ZEB1: variants seen among roughly 807,000 people sequenced by gnomAD.
The protein encoded by ZEB1 is zinc finger E-box binding homeobox 1.
Under a neutral mutation model 84.9 loss-of-function variants are expected in ZEB1, and 21 were observed. The ratio of observed to expected loss-of-function variants is 0.25; its 90% CI spans 0.18 to 0.36. ZEB1 has a LOEUF of 0.36. Among genes scored for constraint, ZEB1 ranks in the 10% least tolerant of loss-of-function variants. The pLI, the probability that ZEB1 is intolerant of heterozygous loss-of-function variation, is 1.00. For missense variants in ZEB1, 1,104 were observed against 1,330.2 expected (o/e 0.83, Z 2.65); for synonymous variants, 420 against 471.1 (o/e 0.89, Z 1.41).
At chr10:31,337,479 TAATC>T (rs2038379493) in intron 1 of ZEB1, among the ~76,000 whole-genome samples, 1 of 152,102 alleles carries the variant, frequency 6.6e-6, no homozygotes, top group African/African-American at 2.4e-5. Context: ...TGGCTACTGA[TAATC>T]AACATTTAAT....
chr10:31,442,406 C>T (rs189647729), intron 1 of ZEB1, among the ~76,000 whole-genome samples: 14 of 150,748 alleles, frequency 9.3e-5, no homozygotes, highest in East Asian at 7.8e-4. Flanking sequence ...CGGGGTCTGT[C>T]GTGGCATGGG....
intron 5 of ZEB1, among the ~76,000 whole-genome samples, chr10:31,511,698 C>T (rs763923113): frequency 6.6e-6 from 1 of 152,180 alleles, no homozygotes; most frequent in Non-Finnish European, 1.5e-5. Flanking sequence ...CAGTTTCTTA[C>T]ATCAAAGAAT....
At position 31,521,368 on chromosome 10, in the gene ZEB1, A is replaced by G; in HGVS notation, c.2036A>G (p.Gln679Arg). Residue 679 changes from glutamine (Q) to arginine (R), a missense_variant, in exon 7 of 9, where the codon CAA becomes CGA. By Grantham distance (43) the Gln-to-Arg change is conservative. Around this residue, in one of 7 missense-constraint regions of ZEB1, gnomAD observed 531 missense variants for 575.2 expected, o/e 0.92. Transcript: ENST00000424869. ...NEPQDSTVNL[Q>R]SPLKMTNSPV... ...CCCCAGGACAGCACAGTAAATCTAC[A>G]AAGTCCTTTGAAGATGACTAACTCC... is the stretch of plus-strand genomic sequence containing the variant. The G allele has an allele frequency of 6.2e-7, 1 of 1,614,096 alleles. No homozygotes were observed. Among genetic ancestry groups the G allele is most frequent in the Non-Finnish European group, 8.5e-7 (1 of 1,180,008 alleles).
At chr10:31,393,457 T>C (rs1426945100) in intron 1 of ZEB1, among the ~76,000 whole-genome samples, 1 of 152,200 alleles carries the variant, frequency 6.6e-6, no homozygotes, top group Non-Finnish European at 1.5e-5. Flanking sequence ...AATTATTTTA[T>C]GTTTAATTTA....
At chr10:31,417,056 A>G (rs1317998408) in intron 1 of ZEB1, among the ~76,000 whole-genome samples, 1 of 152,164 alleles carries the variant, frequency 6.6e-6, no homozygotes, top group African/African-American at 2.4e-5. Flanking sequence ...GAACTTATTT[A>G]TTCAGCAGAC....
At chr10:31,524,159 T>C in intron 8 of ZEB1, 46 bp downstream of exon 8, 1 of 1,554,970 alleles carries the variant, frequency 6.4e-7, no homozygotes, top group Non-Finnish European at 8.8e-7. Flanking sequence ...TATGATATAC[T>C]GGAAGATGCA....
rs114676291 is a variant in ZEB1 at position 31,379,440 on chromosome 10, T to G, written c.58+60148T>G. 5.6e-3 allele frequency among the ~76,000 whole-genome samples: 844 copies of G among 152,022 alleles called. 13 individuals carry two copies. Among genetic ancestry groups the G allele is most frequent in the African/African-American group, 0.019 (809 of 41,492 alleles). On this transcript the variant is annotated intron_variant, in intron 1 of 8. Coordinates refer to ENST00000424869, the MANE Select transcript of ZEB1 (RefSeq NM_001174096.2). ...CTGTCTCTGTCTGTCTGTCTCTCTC[T>G]CTGTGTGTGTATATATATATACATA...
At chr10:31,488,177 A>G (rs983634973) in intron 2 of ZEB1, among the ~76,000 whole-genome samples, 1 of 151,218 alleles carries the variant, frequency 6.6e-6, no homozygotes, top group Non-Finnish European at 1.5e-5. Context: ...ATCTGATAAA[A>G]TTTGCAAGTG....
At chr10:31,452,525 G>T (rs2060683883) in intron 1 of ZEB1, among the ~76,000 whole-genome samples, 1 of 152,002 alleles carries the variant, frequency 6.6e-6, no homozygotes. Flanking sequence ...TGTTTGCCTG[G>T]TCTGGTTATG....
At chr10:31,400,073 T>C (rs780958522) in intron 1 of ZEB1, among the ~76,000 whole-genome samples, 4 of 152,130 alleles carry the variant, frequency 2.6e-5, no homozygotes, top group South Asian at 4.2e-4. Flanking sequence ...TCACCCCAAT[T>C]CTCCTTCCTG....
At chr10:31,367,061 A>G (rs936847958) in intron 1 of ZEB1, among the ~76,000 whole-genome samples, 4 of 151,954 alleles carry the variant, frequency 2.6e-5, no homozygotes, top group South Asian at 2.1e-4. Context: ...TGAGCCCGGG[A>G]CCTCTTACTT....
At chr10:31,437,890 T>TC (rs1318236422) in intron 1 of ZEB1, among the ~76,000 whole-genome samples, 4 of 152,234 alleles carry the variant, frequency 2.6e-5, no homozygotes, top group African/African-American at 9.6e-5. Context: ...ATCTTATTTT[T>TC]CACAACCAGT....
chr10:31,367,809 T>C (rs2044826487), intron 1 of ZEB1, among the ~76,000 whole-genome samples: 1 of 152,188 alleles, frequency 6.6e-6, no homozygotes, highest in Non-Finnish European at 1.5e-5. Context: ...TAAATATAGA[T>C]ACTTGCTCTT....
chr10:31,390,909 A>G (rs976842521), intron 1 of ZEB1, among the ~76,000 whole-genome samples: 24 of 152,206 alleles, frequency 1.6e-4, no homozygotes, highest in South Asian at 6.2e-4. Context: ...TTTTTGAAGC[A>G]TACAGTCACC....
rs1380489167 is a variant in ZEB1 at position 31,515,010 on chromosome 10, C to T, written c.793+302C>T. ...TTCTGATGAATGTAAATGTCATTGCCTCCTTTGCACAATTAGCAGGGGAAT... is the reference window on the plus strand; with the variant it reads ...TTCTGATGAATGTAAATGTCATTGCTTCCTTTGCACAATTAGCAGGGGAAT... On this transcript the variant is annotated intron_variant, in intron 6 of 8. Transcript: ENST00000424869. 2.6e-5 allele frequency among the ~76,000 whole-genome samples: 4 copies of T among 152,110 alleles called. 1 individual carries two copies. Among genetic ancestry groups the T allele is most frequent in the Admixed American group, 2.0e-4 (3 of 15,264 alleles).
chr10:31,442,205 A>G (rs1305637335), intron 1 of ZEB1, among the ~76,000 whole-genome samples: 1 of 152,252 alleles, frequency 6.6e-6, no homozygotes, highest in Non-Finnish European at 1.5e-5. Flanking sequence ...TGGCACATAT[A>G]CACCATGGAA....
chr10:31,476,662 A>G (rs1414290957), intron 2 of ZEB1, among the ~76,000 whole-genome samples: 2 of 152,094 alleles, frequency 1.3e-5, no homozygotes, highest in African/African-American at 2.4e-5. Flanking sequence ...ATCCTCAACA[A>G]AATTCTAGCA....
intron 1 of ZEB1, among the ~76,000 whole-genome samples, chr10:31,370,282 A>G (rs2045461731): frequency 1.3e-5 from 2 of 152,114 alleles, no homozygotes; most frequent in African/African-American, 2.4e-5. Context: ...TTGTTACCCA[A>G]TCCAATGAAA....
At chr10:31,370,244 C>G (rs184211208) in intron 1 of ZEB1, among the ~76,000 whole-genome samples, 63 of 152,176 alleles carry the variant, frequency 4.1e-4, no homozygotes, top group African/African-American at 1.4e-3. Context: ...AAGACTGTTT[C>G]TACTGATATC....
Sources: allele counts gnomAD v4.1 joint callset (sites outside exome capture counted in the v4.1 genomes callset), GRCh38; gene constraint gnomAD v4.1.1; regional missense constraint gnomAD v4.1.1; transcripts MANE v1.5; gene names NCBI Gene and HGNC (gene_info 2026-07-23, HGNC 2026-07-21).